Variants in AP3D1 observed in about 807,000 individuals in gnomAD.
AP3D1 encodes the protein AP-3 complex subunit delta-1.
In AP3D1, 51 loss-of-function variants were observed where a neutral mutation model predicts 147.6. The observed-to-expected ratio is 0.35, with a 90% CI of 0.28 to 0.44. The LOEUF (loss-of-function observed/expected upper bound fraction) is 0.44, where lower values mean the gene tolerates loss of function less well. Ranked by LOEUF, AP3D1 falls within the 20% of genes least tolerant of loss-of-function variation. The pLI is 1.00. For synonymous variants in AP3D1, 760 were observed against 663.0 expected (o/e 1.15, Z -2.25); for missense variants, 1,421 against 1,624.2 (o/e 0.87, Z 2.15).
chr19:2,116,363 G>C, intron 17 of AP3D1, 85 bp from the exon 18 acceptor site: 1 of 1,442,658 alleles, frequency 6.9e-7, no homozygotes, highest in African/African-American at 1.4e-5. Context: ...CCCAGCTGGG[G>C]AAGGCTGGAT....
In AP3D1 at chr19:2,117,206, A is replaced by C. The variant is rs1443172119; in HGVS notation, c.1859+16T>G. 3 of 1,577,554 alleles carry C rather than the reference A, an allele frequency of 1.9e-6. No individual in the cohort carries two copies. Among genetic ancestry groups the C allele is most frequent in the Non-Finnish European group, 1.7e-6 (2 of 1,161,064 alleles). On this transcript the variant is annotated intron_variant, in intron 16 of 31. Coordinates refer to ENST00000643116, the MANE Select transcript of AP3D1 (RefSeq NM_001261826.3). ...TCAGGGCCATGGTTGCAATGCCCCCACCCCCGTATCCTTACCCTTCGGGGA... is the reference window on the plus strand; with the variant it reads ...TCAGGGCCATGGTTGCAATGCCCCCCCCCCCGTATCCTTACCCTTCGGGGA...
At position 2,162,517 on chromosome 19, in the gene AP3D1, C is replaced by T. The variant is rs374087186; in HGVS notation, c.-103+1839G>A. ...CTCTACTAAAACTACAAAAATTAAC[C>T]GGGCGTGGTGACTCGTGCCTGTAGT... On this transcript the variant is annotated intron_variant, in intron 1 of 14. Transcript: ENST00000643010. Among the ~76,000 whole-genome samples, 30 of 151,198 alleles carry T rather than the reference C, an allele frequency of 2.0e-4. No homozygotes were observed. The East Asian group carries it at 3.2e-3, about 16-fold the overall frequency.
At chr19:2,113,172 G>A (rs981709009) in intron 23 of AP3D1, 164 bp downstream of exon 23, 3 of 627,516 alleles carry the variant, frequency 4.8e-6, no homozygotes, top group Non-Finnish European at 8.4e-6. Flanking sequence ...GGCCCACTGG[G>A]ACCCGGGAGC....
intron 1 of AP3D1, among the ~76,000 whole-genome samples, chr19:2,160,553 C>T (rs965962746): frequency 2.6e-5 from 4 of 151,746 alleles, no homozygotes; most frequent in South Asian, 2.1e-4. Flanking sequence ...AAAAAGTGGG[C>T]GGAGATACAG....
chr19:2,158,663 C>A (rs1025612181), intron 1 of AP3D1, among the ~76,000 whole-genome samples: 3 of 150,476 alleles, frequency 2.0e-5, no homozygotes, highest in East Asian at 2.0e-4. Flanking sequence ...TGGAGTGCAA[C>A]GGCGCAATCC....
chr19:2,139,207 G>A (rs150946457), intron 1 of AP3D1, among the ~76,000 whole-genome samples: 10 of 152,196 alleles, frequency 6.6e-5, no homozygotes, highest in African/African-American at 1.9e-4. Flanking sequence ...GAGAGGAGAC[G>A]GGAGGGTTCG....
intron 5 of AP3D1, among the ~76,000 whole-genome samples, chr19:2,131,667 CG>C (rs2018950144): frequency 1.2e-5 from 1 of 86,618 alleles, no homozygotes; most frequent in Non-Finnish European, 2.8e-5. Flanking sequence ...CAGGCAGCCA[CG>C]CGGGGACTGC....
At chr19:2,103,339 C>T (rs574089097) in intron 31 of AP3D1, among the ~76,000 whole-genome samples, 2 of 152,292 alleles carry the variant, frequency 1.3e-5, no homozygotes, top group Admixed American at 6.5e-5. Flanking sequence ...CTGAGGCAGC[C>T]AGAGGCAGCC....
In AP3D1 at chr19:2,121,001, C is replaced by T; in HGVS notation, c.1342G>A (p.Val448Met). The change falls in exon 14 of 32, where the codon GTG becomes ATG. Residue 448 changes from valine to methionine, a missense_variant. Physicochemically the swap from Val to Met is conservative, Grantham distance 21 (BLOSUM62 1). Transcript: ENST00000643116. Reference sequence around the variant, plus strand: ...ACGGCGAACTTGCGGATGGCCTTCACGCGGATGGCCACGTCCAGCATTTGG... The same window carrying T: ...ACGGCGAACTTGCGGATGGCCTTCATGCGGATGGCCACGTCCAGCATTTGG... ...AAQMLDVAIR[V>M]KAIRKFAVSQ... is the part of the protein sequence containing the mutation. The T allele has an allele frequency of 1.9e-6, 3 of 1,612,250 alleles. No individual in the cohort carries two copies. Among genetic ancestry groups the T allele is most frequent in the Non-Finnish European group, 1.7e-6 (2 of 1,179,988 alleles).
chr19:2,140,570 G>A (rs1253692329), intron 1 of AP3D1, among the ~76,000 whole-genome samples: 3 of 151,410 alleles, frequency 2.0e-5, no homozygotes, highest in African/African-American at 2.4e-5. Flanking sequence ...CCACACCCCA[G>A]ACTCAAGTGA....
intron 5 of AP3D1, among the ~76,000 whole-genome samples, chr19:2,131,558 CG>C (rs1355906806): frequency 2.9e-5 from 3 of 102,256 alleles, no homozygotes; most frequent in African/African-American, 8.6e-5. Context: ...GGCAGCCACG[CG>C]GGGACAGCGC....
intron 4 of AP3D1, among the ~76,000 whole-genome samples, chr19:2,136,247 A>G (rs1457823090): frequency 1.3e-5 from 2 of 152,226 alleles, no homozygotes; most frequent in Non-Finnish European, 2.9e-5. Flanking sequence ...TGTGCCGGAC[A>G]TCAGTCACAG....
chr19:2,154,998 G>A (rs1235017126), upstream of AP3D1, among the ~76,000 whole-genome samples: 1 of 152,072 alleles, frequency 6.6e-6, no homozygotes, highest in African/African-American at 2.4e-5. Flanking sequence ...TGGCGAACAT[G>A]GTGAAACCCT....
chr19:2,147,750 T>C (rs2019398189), intron 1 of AP3D1, among the ~76,000 whole-genome samples: 2 of 150,044 alleles, frequency 1.3e-5, no homozygotes, highest in African/African-American at 2.5e-5. Context: ...AAAAATTAGC[T>C]GGATGTGGTG....
intron 4 of AP3D1, among the ~76,000 whole-genome samples, chr19:2,133,748 C>T (rs1035233421): frequency 9.2e-5 from 14 of 151,842 alleles, no homozygotes; most frequent in Non-Finnish European, 1.5e-4. Flanking sequence ...ATGATCCGCC[C>T]GCCATGGCCT....
At chr19:2,144,984 C>T (rs1272110269) in intron 1 of AP3D1, among the ~76,000 whole-genome samples, 1 of 152,160 alleles carries the variant, frequency 6.6e-6, no homozygotes, top group Non-Finnish European at 1.5e-5. Context: ...GTCGCCAGGG[C>T]ATAGGTTTCT....
At chr19:2,117,526 T>C (rs754059668) in intron 15 of AP3D1, among the ~76,000 whole-genome samples, 159 bp from the exon 16 acceptor site, 1 of 152,114 alleles carries the variant, frequency 6.6e-6, no homozygotes. Flanking sequence ...GTCTCTGTCG[T>C]CATCATCCTC....
At chr19:2,111,399 G>A in intron 25 of AP3D1, 67 bp from the exon 26 acceptor site, 6 of 1,574,142 alleles carry the variant, frequency 3.8e-6, no homozygotes, top group African/African-American at 1.3e-5. Context: ...ACTCCAGTAT[G>A]GCCCAATACC....
chr19:2,158,174 G>C (rs1276644752), intron 1 of AP3D1, among the ~76,000 whole-genome samples: 1 of 152,032 alleles, frequency 6.6e-6, no homozygotes, highest in Non-Finnish European at 1.5e-5. Context: ...TCCTGCCTCA[G>C]CCTTTCCAGT....
Sources: gnomAD v4.1 joint callset for allele counts (sites outside exome capture counted in the v4.1 genomes callset) on GRCh38, gnomAD v4.1.1 for gene constraint, MANE v1.5 for transcripts, NCBI Gene and HGNC (gene_info 2026-07-23, HGNC 2026-07-21) for gene names.